Variants in RELN observed in about 807,000 individuals in gnomAD.
RELN encodes reelin.
In RELN, 108 loss-of-function variants were observed where a neutral mutation model predicts 427.6. The ratio of observed to expected loss-of-function variants is 0.25; its 90% confidence interval spans 0.22 to 0.30. The LOEUF is 0.30. Among genes scored for constraint, RELN ranks in the 10% least tolerant of loss-of-function variants. The pLI, the probability that RELN is intolerant of heterozygous loss-of-function variation, is 1.00. For missense variants in RELN, 3,715 were observed against 4,302.8 expected, an observed-to-expected ratio of 0.86 and a Z score of 3.82; for synonymous variants, 1,524 against 1,513.4, an observed-to-expected ratio of 1.01 and a Z score of -0.16.
intron 38 of RELN, among the ~76,000 whole-genome samples, chr7:103,554,582 A>AT (rs1830484912): frequency 1.3e-5 from 2 of 151,712 alleles, no homozygotes; most frequent in Admixed American, 1.3e-4. Context: ...AAAAAAAAAA[A>AT]AAAAAAGTGA....
chr7:103,735,496 T>C (rs1046003076), intron 6 of RELN, among the ~76,000 whole-genome samples: 8 of 152,168 alleles, frequency 5.3e-5, no homozygotes, highest in African/African-American at 1.9e-4. Context: ...GCTCTCAGGA[T>C]GCAGGAAAGA....
At chr7:103,694,394 T>G (rs1193788302) in intron 10 of RELN, among the ~76,000 whole-genome samples, 2 of 152,016 alleles carry the variant, frequency 1.3e-5, no homozygotes, top group Non-Finnish European at 2.9e-5. Flanking sequence ...ACCTCTATGT[T>G]CCACTTTCCA....
intron 2 of RELN, among the ~76,000 whole-genome samples, chr7:103,909,462 G>T (rs1795290261): frequency 6.7e-6 from 1 of 150,276 alleles, no homozygotes; most frequent in Non-Finnish European, 1.5e-5. Context: ...ATTTACTAAA[G>T]TTTGAAGTTT....
At chr7:103,779,013 G>A (rs188482085) in intron 3 of RELN, among the ~76,000 whole-genome samples, 16 of 152,294 alleles carry the variant, frequency 1.1e-4, no homozygotes, top group Non-Finnish European at 1.8e-4. Context: ...GATCAGGAAC[G>A]TGAGGCCAGG....
chr7:103,843,557 A>G (rs1410202356), intron 2 of RELN, among the ~76,000 whole-genome samples: 1 of 152,232 alleles, frequency 6.6e-6, no homozygotes, highest in Non-Finnish European at 1.5e-5. Flanking sequence ...AATGCAAACC[A>G]TCTGAGAATA....
At chr7:103,800,548 T>A (rs1792436418) in intron 3 of RELN, among the ~76,000 whole-genome samples, 1 of 152,132 alleles carries the variant, frequency 6.6e-6, no homozygotes, top group Non-Finnish European at 1.5e-5. Flanking sequence ...TGAAACTGGA[T>A]CCCTTCCTTA....
intron 9 of RELN, among the ~76,000 whole-genome samples, 168 bp from the exon 10 acceptor site, chr7:103,698,261 AT>A (rs1170059516): frequency 1.3e-5 from 2 of 152,200 alleles, no homozygotes; most frequent in Non-Finnish European, 2.9e-5. Flanking sequence ...TTTGCTGACT[AT>A]TAAGATTTTC....
At chr7:103,746,012 A>C (rs1261439028) in intron 6 of RELN, among the ~76,000 whole-genome samples, 1 of 152,112 alleles carries the variant, frequency 6.6e-6, no homozygotes, top group Non-Finnish European at 1.5e-5. Flanking sequence ...CCTGACTTCA[A>C]ACTATACTAC....
At chr7:103,846,048 T>C (rs1793667023) in intron 2 of RELN, among the ~76,000 whole-genome samples, 1 of 152,184 alleles carries the variant, frequency 6.6e-6, no homozygotes, top group African/African-American at 2.4e-5. Flanking sequence ...TGAGCTGCCA[T>C]TGACTTTCTC....
At chr7:103,876,436 A>T (rs1218792750) in intron 2 of RELN, among the ~76,000 whole-genome samples, 1 of 152,194 alleles carries the variant, frequency 6.6e-6, no homozygotes, top group Non-Finnish European at 1.5e-5. Flanking sequence ...CTGTCCTTCC[A>T]AAAGTATTTA....
chr7:103,982,801 C>A (rs983551215), intron 1 of RELN, among the ~76,000 whole-genome samples: 1 of 152,120 alleles, frequency 6.6e-6, no homozygotes, highest in African/African-American at 2.4e-5. Context: ...TAACATGTCA[C>A]CTTTCCTATC....
At chr7:103,854,473 A>G (rs1160307412) in intron 2 of RELN, among the ~76,000 whole-genome samples, 1 of 152,152 alleles carries the variant, frequency 6.6e-6, no homozygotes, top group East Asian at 1.9e-4. Flanking sequence ...ATTGAGGTAT[A>G]ACATACATAT....
chr7:103,640,559 T>C lies in RELN; in HGVS notation c.2053A>G (p.Thr685Ala), dbSNP rs779358126. The change falls in exon 17 of 65, where the codon ACT (threonine) becomes GCT (alanine). Residue 685 changes from threonine (T) to alanine (A), a missense_variant. Thr to Ala is a moderately conservative substitution (Grantham distance 58). This residue lies in a region of RELN where 2,208 missense variants were observed against 2,361.7 expected (regional missense o/e 0.93). Coordinates refer to ENST00000428762, the MANE Select transcript of RELN (RefSeq NM_005045.4). The surrounding 1 kb of genome is among the most constrained non-coding windows in gnomAD (Gnocchi z 4.1). ...GATGCTTACTTGCAACCATGTCTAG[T>C]GCACTGTCCTCTGCCAGAACAGAAT... is the stretch of plus-strand genomic sequence containing the variant. ...LKFCSGRGQC[T>A]RHGCKCDPGF... 11 of 1,613,772 alleles carry C rather than the reference T, an allele frequency of 6.8e-6. No individual in the cohort carries two copies. Among genetic ancestry groups the C allele is most frequent in the African/African-American group, 6.7e-5 (5 of 74,938 alleles).
rs1052784163 is a variant in RELN at position 103,603,213 on chromosome 7, T to C, written c.3333+91A>G. On this transcript the variant is annotated intron_variant, in intron 24 of 64. Coordinates refer to ENST00000428762, the MANE Select transcript of RELN (RefSeq NM_005045.4). The surrounding 1 kb of genome is among the most constrained non-coding windows in gnomAD (Gnocchi z 4.3). ...CAAAAGCGGGGAACGTGGGGAACAATAGAACCACTTCATATTTGTACATTT... is the reference window on the plus strand; with the variant it reads ...CAAAAGCGGGGAACGTGGGGAACAACAGAACCACTTCATATTTGTACATTT... 5.5e-6 allele frequency: 6 copies of C among 1,083,572 alleles called. No individual in the cohort carries two copies. The highest frequency in any genetic ancestry group is 1.7e-5 in the Admixed American group (1 of 59,076). 67.1% of individuals were successfully genotyped at this position (1,083,572 alleles called of 1,614,324 possible). A position where few individuals can be genotyped will look rare whatever the true frequency, so the allele number is the denominator to read the frequency against.
intron 64 of RELN, among the ~76,000 whole-genome samples, chr7:103,476,101 G>C (rs576810096): frequency 6.6e-6 from 1 of 152,062 alleles, no homozygotes; most frequent in South Asian, 2.1e-4. Flanking sequence ...TCATATCTTT[G>C]GATTCCTGAG....
chr7:103,708,464 C>CTTTTTTTTTTTTTTTTTTTTTTTTTTTT (rs745955015), intron 8 of RELN, among the ~76,000 whole-genome samples: 3 of 110,104 alleles, frequency 2.7e-5, no homozygotes, highest in African/African-American at 1.3e-4. Context: ...GGGTATGACT[C>CTTTTTTTTTTTTTTTTTTTTTTTTTTTT]TTTTTTTTTT....
At chr7:103,979,943 C>A (rs1022093510) in intron 1 of RELN, among the ~76,000 whole-genome samples, 1 of 152,124 alleles carries the variant, frequency 6.6e-6, no homozygotes, top group Non-Finnish European at 1.5e-5. Context: ...GGGCTGATCA[C>A]CTGAGGTCGG....
Position 103,561,587 on chromosome 7 carries a change from C to T in RELN, c.5474G>A (p.Arg1825Lys), listed in dbSNP as rs368478306. 3 of 1,613,910 alleles carry T rather than the reference C, an allele frequency of 1.9e-6. No individual in the cohort carries two copies. Among genetic ancestry groups the T allele is most frequent in the Non-Finnish European group, 2.5e-6 (3 of 1,179,848 alleles). Reference protein sequence around the residue: ...DLWPEVYGAERGNLNGETIKS... With the variant: ...DLWPEVYGAEKGNLNGETIKS... Reference sequence around the variant, plus strand: ...GATGGTTTCACCATTCAGATTCCCCCTCTCTGCACCATACACTTCAGGCCA... The same window carrying T: ...GATGGTTTCACCATTCAGATTCCCCTTCTCTGCACCATACACTTCAGGCCA... Residue 1825 changes from arginine to lysine, a missense_variant, in exon 36 of 65, where the codon AGG becomes AAG. Physicochemically the swap from Arg to Lys is conservative, Grantham distance 26 (BLOSUM62 2). This residue lies in a region of RELN where 2,208 missense variants were observed against 2,361.7 expected (regional missense o/e 0.93). Coordinates refer to ENST00000428762, the MANE Select transcript of RELN (RefSeq NM_005045.4).
intron 1 of RELN, among the ~76,000 whole-genome samples, chr7:103,963,127 T>G (rs1206923665): frequency 8.3e-6 from 1 of 121,004 alleles, no homozygotes; most frequent in Non-Finnish European, 1.7e-5. Flanking sequence ...TCTCCTCTTT[T>G]CGCCTTCTTT....
Sources: gnomAD v4.1 joint callset for allele counts (sites outside exome capture counted in the v4.1 genomes callset) on GRCh38, gnomAD v4.1.1 for gene constraint, gnomAD v4.1.1 regional missense constraint, Gnocchi (gnomAD v3.1) non-coding constraint, MANE v1.5 for transcripts, NCBI Gene and HGNC (gene_info 2026-07-23, HGNC 2026-07-21) for gene names.